The following PDE9A variants were observed in gnomAD, a reference collection of about 807,000 sequenced individuals.
PDE9A encodes phosphodiesterase 9A.
PDE9A carries 60 observed loss-of-function variants against 87.4 expected under a neutral mutation model. The ratio of observed to expected loss-of-function variants is 0.69; its 90% confidence interval spans 0.56 to 0.85. PDE9A has a LOEUF of 0.85. PDE9A is among the 40% of genes least tolerant of loss of function. The probability of loss-of-function intolerance (pLI) is 0.00; values close to 1 mark genes in which losing one functional copy is unlikely to be tolerated. For synonymous variants in PDE9A, 272 were observed against 279.4 expected (o/e 0.97, Z 0.27); for missense variants, 665 against 779.0 (o/e 0.85, Z 1.74).
chr21:42,760,534 C>T lies in PDE9A; in HGVS notation c.1002+102C>T, dbSNP rs1460005282. Reference sequence around the variant, plus strand: ...CCCATCCCACCAAGAGAGCCACAGGCGTGGGGTCCCCAGCCGCTCCGCCCC... The same window carrying T: ...CCCATCCCACCAAGAGAGCCACAGGTGTGGGGTCCCCAGCCGCTCCGCCCC... On this transcript the variant is annotated intron_variant, in intron 12 of 19. Transcript: ENST00000291539. This position sits in a 1 kb window ranked among gnomAD's most constrained non-coding sequence, Gnocchi z 5.2. The T allele has an allele frequency of 8.1e-6, 6 of 737,930 alleles. No individual in the cohort carries two copies. Among genetic ancestry groups the T allele is most frequent in the African/African-American group, 5.3e-5 (3 of 56,806 alleles). The allele number at this position is 737,930 out of a possible 1,614,324, so 45.7% of individuals were successfully genotyped here. A position where few individuals can be genotyped will look rare whatever the true frequency, so the allele number is the denominator to read the frequency against.
At chr21:42,765,961 G>T (rs544108842) in intron 15 of PDE9A, among the ~76,000 whole-genome samples, 2 of 152,272 alleles carry the variant, frequency 1.3e-5, no homozygotes, top group East Asian at 3.9e-4. Flanking sequence ...AGAAGGGGTA[G>T]GGGGCCTCCC....
intron 8 of PDE9A, among the ~76,000 whole-genome samples, chr21:42,748,739 A>G (rs1288596304): frequency 6.6e-6 from 1 of 151,656 alleles, no homozygotes; most frequent in Non-Finnish European, 1.5e-5. Context: ...CTTTTTTTTT[A>G]CTAGTGGCAT....
chr21:42,709,279 A>G (rs2049095321), intron 4 of PDE9A, among the ~76,000 whole-genome samples: 1 of 152,142 alleles, frequency 6.6e-6, no homozygotes, highest in African/African-American at 2.4e-5. Flanking sequence ...AGGGAGGGGA[A>G]TAACACACAC....
intron 3 of PDE9A, among the ~76,000 whole-genome samples, chr21:42,689,272 T>C (rs1276084061): frequency 1.3e-5 from 2 of 152,222 alleles, no homozygotes; most frequent in African/African-American, 4.8e-5. Context: ...CGAGCTCCTC[T>C]CATCTGGCTG....
chr21:42,685,415 C>G (rs2059399691), intron 1 of PDE9A, among the ~76,000 whole-genome samples: 1 of 151,320 alleles, frequency 6.6e-6, no homozygotes, highest in Non-Finnish European at 1.5e-5. Context: ...TTCCCCTCTT[C>G]GACTTCGTCA....
In PDE9A at chr21:42,722,656, G is replaced by C. The variant is rs2050648955; in HGVS notation, c.263-9114G>C. Among the ~76,000 whole-genome samples, 1 of 152,210 alleles carries C rather than the reference G, an allele frequency of 6.6e-6. No individual in the cohort carries two copies. Among genetic ancestry groups the C allele is most frequent in the Admixed American group, 6.5e-5 (1 of 15,284 alleles). On this transcript the variant is annotated intron_variant, in intron 4 of 19. Coordinates refer to ENST00000291539, the MANE Select transcript of PDE9A (RefSeq NM_002606.3). This position sits in a 1 kb window ranked among gnomAD's most constrained non-coding sequence, Gnocchi z 4.1. Reference sequence around the variant, plus strand: ...CATGTGTGCATTCGTTTGCCTAGGGGAGAAAAGTACACATTCCCATCAGCT... The same window carrying C: ...CATGTGTGCATTCGTTTGCCTAGGGCAGAAAAGTACACATTCCCATCAGCT...
intron 15 of PDE9A, 64 bp from the exon 16 acceptor site, chr21:42,768,124 G>A (rs563704314): frequency 2.1e-5 from 20 of 953,380 alleles, no homozygotes; most frequent in Middle Eastern, 2.1e-4. Flanking sequence ...GTCCAGACCC[G>A]AGCAGCAGCA....
chr21:42,670,264 CACAT>C (rs1192687969), intron 1 of PDE9A, among the ~76,000 whole-genome samples: 18 of 146,456 alleles, frequency 1.2e-4, no homozygotes, highest in South Asian at 4.3e-4. Context: ...TACATTCACA[CACAT>C]ATTCACACAT....
intron 4 of PDE9A, among the ~76,000 whole-genome samples, 182 bp downstream of exon 4, chr21:42,699,193 C>T (rs1434093330): frequency 6.6e-6 from 1 of 152,254 alleles, no homozygotes; most frequent in Non-Finnish European, 1.5e-5. Flanking sequence ...GAAGCCGATA[C>T]AACTGCAGAA....
intron 3 of PDE9A, chr21:42,697,436 A>T (rs1406580329): frequency 1.5e-5 from 24 of 1,611,498 alleles, no homozygotes; most frequent in Non-Finnish European, 2.0e-5. Flanking sequence ...TTCTCTATAC[A>T]TCACTCCGTA....
chr21:42,667,724 G>C (rs2058102666), intron 1 of PDE9A, among the ~76,000 whole-genome samples: 1 of 152,072 alleles, frequency 6.6e-6, no homozygotes, highest in Non-Finnish European at 1.5e-5. Flanking sequence ...TTCTTGAAAG[G>C]ACTGGCAGCC....
At position 42,659,853 on chromosome 21, in the gene PDE9A, G is replaced by C. The variant is rs145144349; in HGVS notation, c.69+5970G>C. Among the ~76,000 whole-genome samples, 2 of 152,234 alleles carry C rather than the reference G, an allele frequency of 1.3e-5. No homozygotes were observed. Among genetic ancestry groups the C allele is most frequent in the African/African-American group, 4.8e-5 (2 of 41,466 alleles). On this transcript the variant is annotated intron_variant, in intron 1 of 19. Transcript: ENST00000291539. This position sits in a 1 kb window ranked among gnomAD's most constrained non-coding sequence, Gnocchi z 4.1. The stretch of plus-strand genomic sequence containing the variant: ...CAGAAATGGGCAAAAGACAGCTCTC[G>C]TTGTCAGCGAGGTAAATCTAGCGCA...
intron 1 of PDE9A, among the ~76,000 whole-genome samples, chr21:42,661,588 G>A (rs1349419810): frequency 2.0e-5 from 3 of 152,084 alleles, no homozygotes; most frequent in East Asian, 3.9e-4. Context: ...AAGGCCGAGC[G>A]GTATTCCATT....
At chr21:42,691,808 AC>A (rs1260970332) in intron 3 of PDE9A, among the ~76,000 whole-genome samples, 1 of 148,864 alleles carries the variant, frequency 6.7e-6, no homozygotes, top group Non-Finnish European at 1.5e-5. Flanking sequence ...CATCATCATC[AC>A]CATTTGAGGT....
In PDE9A at chr21:42,765,476, C is replaced by T. The variant is rs753414678; in HGVS notation, c.1338C>T (p.Asn446=). 26 of 1,605,880 alleles carry T rather than the reference C, an allele frequency of 1.6e-5. No individual in the cohort carries two copies. Among genetic ancestry groups the T allele is most frequent in the East Asian group, 4.5e-5 (2 of 44,808 alleles). ...KEKMENFDYS[N]EEHMTLLKMI... ...AAATGGAGAATTTTGACTACAGCAA[C>T]GAGGAGCACATGACCCTGGTGAGTG... The change falls in exon 15 of 20, where the codon AAC becomes AAT. Residue 446 remains asparagine (N), a synonymous_variant. Transcript: ENST00000291539.
rs767861764 is a variant in PDE9A, at chr21:42,670,246, CACAT to C, written c.70-15937_70-15934del. Among the ~76,000 whole-genome samples the C allele has an allele frequency of 1.1e-3, 133 of 117,492 alleles. 1 individual carries two copies. Among genetic ancestry groups the C allele is most frequent in the Middle Eastern group, 8.8e-3 (2 of 226 alleles). 77.1% of individuals were successfully genotyped at this position (117,492 alleles called of 152,430 possible). Reference sequence around the variant, plus strand: ...ACATACACTTACATTCACACTCATACACATACATACATTCACACACATATTCACA... The same window carrying C: ...ACATACACTTACATTCACACTCATACACATACATTCACACACATATTCACA... On this transcript the variant is annotated intron_variant, in intron 1 of 19. Transcript: ENST00000291539.
At chr21:42,653,986 G>A (rs967853731) in intron 1 of PDE9A, 103 bp downstream of exon 1, 17 of 618,858 alleles carry the variant, frequency 2.7e-5, no homozygotes, top group Admixed American at 2.6e-4. Flanking sequence ...GGTCCAGGCT[G>A]CGGCCTCCGT....
intron 4 of PDE9A, among the ~76,000 whole-genome samples, chr21:42,707,327 G>A (rs1297495010): frequency 1.3e-5 from 2 of 152,150 alleles, no homozygotes; most frequent in Non-Finnish European, 2.9e-5. Context: ...ACCCACTAAT[G>A]GGTGCCTCCT....
chr21:42,755,089 T>C (rs558941566), intron 10 of PDE9A, among the ~76,000 whole-genome samples: 19 of 152,348 alleles, frequency 1.2e-4, no homozygotes. Flanking sequence ...AAAAGTTCCC[T>C]CATTGCAGAC....
Sources: allele counts gnomAD v4.1 joint callset (sites outside exome capture counted in the v4.1 genomes callset), GRCh38; gene constraint gnomAD v4.1.1; non-coding constraint Gnocchi (gnomAD v3.1); transcripts MANE v1.5; gene names NCBI Gene and HGNC (gene_info 2026-07-23, HGNC 2026-07-21).